AFAP1: variants seen among roughly 807,000 people sequenced by gnomAD.
AFAP1 encodes the protein actin filament-associated protein 1.
A neutral mutation model predicts 93.9 loss-of-function variants in AFAP1; 75 were observed. The observed-to-expected ratio is 0.80, with a 90% CI of 0.66 to 0.97. The LOEUF is 0.97. Ranked by LOEUF, AFAP1 falls within the 50% of genes least tolerant of loss-of-function variation. AFAP1 has a pLI of 0.00. For synonymous variants in AFAP1, 517 were observed against 430.7 expected (o/e 1.20, Z -2.48); for missense variants, 1,201 against 1,050.8 (o/e 1.14, Z -1.98).
chr4:7,824,785 G>A (rs560114873), intron 6 of AFAP1, among the ~76,000 whole-genome samples: 2 of 152,170 alleles, frequency 1.3e-5, no homozygotes, highest in African/African-American at 4.8e-5. Context: ...CGAGAAATTG[G>A]TTAATGGGCA....
chr4:7,776,930 T>C (rs531960176), intron 14 of AFAP1: 2 of 152,328 alleles, frequency 1.3e-5, no homozygotes, highest in East Asian at 3.9e-4. Context: ...TAATCTATAA[T>C]GCAACCGGCT....
chr4:7,823,952 C>A (rs1318735723), intron 6 of AFAP1, among the ~76,000 whole-genome samples: 1 of 152,204 alleles, frequency 6.6e-6, no homozygotes, highest in Non-Finnish European at 1.5e-5. Flanking sequence ...AAAGGCATTG[C>A]TAAAAACATG....
At chr4:7,817,527 G>A (rs1437657184) in intron 7 of AFAP1, among the ~76,000 whole-genome samples, 1 of 152,154 alleles carries the variant, frequency 6.6e-6, no homozygotes, top group Non-Finnish European at 1.5e-5. Context: ...GGAGGTGGAG[G>A]CTGCAGTGAG....
chr4:7,881,225 G>A (rs938076535), intron 1 of AFAP1, among the ~76,000 whole-genome samples: 3 of 151,910 alleles, frequency 2.0e-5, no homozygotes, highest in Non-Finnish European at 2.9e-5. Flanking sequence ...CCCCTGTCTA[G>A]TCTACACCAC....
At chr4:7,782,254 C>T (rs755531319) in intron 12 of AFAP1, among the ~76,000 whole-genome samples, 21 of 152,250 alleles carry the variant, frequency 1.4e-4, no homozygotes, top group Admixed American at 3.3e-4. Flanking sequence ...CTCATCCCCA[C>T]GCGGTGCTCC....
rs539753795 is a variant in AFAP1 at position 7,932,286 on chromosome 4, A to G, written c.-3+7370T>C. ...AAAACGAGGTCCTGCTTGGTTTTAA[A>G]CTACTTGGTGACCACCATCAGTTGT... On this transcript the variant is annotated intron_variant, in intron 1 of 17. Coordinates refer to ENST00000420658, the MANE Select transcript of AFAP1 (RefSeq NM_001134647.2). Among the ~76,000 whole-genome samples, 436 of 152,338 alleles carry G rather than the reference A, an allele frequency of 2.9e-3. 2 individuals carry two copies. Among genetic ancestry groups the G allele is most frequent in the Middle Eastern group, 6.8e-3 (2 of 294 alleles).
intron 11 of AFAP1, among the ~76,000 whole-genome samples, chr4:7,788,292 G>A (rs1477117688): frequency 6.6e-6 from 1 of 152,252 alleles, no homozygotes; most frequent in Non-Finnish European, 1.5e-5. Flanking sequence ...TGAAAACCGG[G>A]GAGAGAAACA....
At chr4:7,904,682 C>A (rs1011267785) in intron 1 of AFAP1, among the ~76,000 whole-genome samples, 1 of 147,976 alleles carries the variant, frequency 6.8e-6, no homozygotes, top group African/African-American at 2.5e-5. Context: ...ACTACTGCCA[C>A]TATTACAAAT....
intron 3 of AFAP1, chr4:7,861,889 C>G (rs183318750): frequency 2.0e-5 from 3 of 152,240 alleles, no homozygotes; most frequent in African/African-American, 7.2e-5. Flanking sequence ...AGCCCCAGCT[C>G]TACAACTGGT....
At chr4:7,775,132 C>A in intron 14 of AFAP1, 1 of 479,986 alleles carries the variant, frequency 2.1e-6, no homozygotes, top group Non-Finnish European at 3.6e-6. Context: ...CAGTGAGACC[C>A]CGTGTCAAAA....
rs115544900 is a variant in AFAP1, at chr4:7,786,298, G to T, written c.1426C>A (p.Arg476Ser). The T allele has an allele frequency of 3.5e-4, 566 of 1,613,548 alleles. No homozygotes were observed. Among genetic ancestry groups the T allele is most frequent in the South Asian group, 5.8e-4 (53 of 91,044 alleles). Reference sequence around the variant, plus strand: ...AGATATGGGTTAGCAGATATAACACGCCTGTTCATGAAACTGAAAGAAAGG... The same window carrying T: ...AGATATGGGTTAGCAGATATAACACTCCTGTTCATGAAACTGAAAGAAAGG... Reference protein sequence around the residue: ...AKQTFCFMNRRVISANPYLGG... With the variant: ...AKQTFCFMNRSVISANPYLGG... The change falls in exon 12 of 18, where the codon CGT (arginine) becomes AGT (serine). Residue 476 changes from arginine to serine, a missense_variant. By Grantham distance (110) the Arg-to-Ser change is moderately radical (BLOSUM62 -1). Coordinates refer to ENST00000420658, the MANE Select transcript of AFAP1 (RefSeq NM_001134647.2).
In AFAP1 at chr4:7,760,640, T is replaced by C. The variant is rs763640687; in HGVS notation, c.*3125A>G. 6.6e-6 allele frequency: 1 copy of C among 152,192 alleles called. No individual in the cohort carries two copies. Among genetic ancestry groups the C allele is most frequent in the African/African-American group, 2.4e-5 (1 of 41,474 alleles). 9.4% of individuals were successfully genotyped at this position (152,192 alleles called of 1,614,324 possible). ...CAAAGGGAGCCCTCGAATCTGATAG[T>C]TGTTTCTATGAAAAAGTTGGTCAGT... On this transcript the variant is annotated 3_prime_UTR_variant, in exon 18 of 18. Transcript: ENST00000420658.
intron 1 of AFAP1, among the ~76,000 whole-genome samples, chr4:7,912,352 C>A (rs1006806535): frequency 1.3e-5 from 2 of 152,222 alleles, no homozygotes; most frequent in African/African-American, 4.8e-5. Context: ...GGCAATTGCA[C>A]ATTTAGTTTT....
rs58075483 is a variant in AFAP1 at position 7,827,569 on chromosome 4, C to CAAAAAAAAAAAAAAAAAAAAAAA, written c.727-8399_727-8398insTTTTTTTTTTTTTTTTTTTTTTT. Among the ~76,000 whole-genome samples, 67 of 52,246 alleles carry CAAAAAAAAAAAAAAAAAAAAAAA rather than the reference C, an allele frequency of 1.3e-3. 9 individuals carry two copies. The highest frequency in any genetic ancestry group is 1.3e-3 in the Non-Finnish European group (37 of 29,148). 34.3% of individuals were successfully genotyped at this position (52,246 alleles called of 152,430 possible). A position where few individuals can be genotyped will look rare whatever the true frequency, so the allele number is the denominator to read the frequency against. On this transcript the variant is annotated intron_variant, in intron 6 of 17. Coordinates refer to ENST00000420658, the MANE Select transcript of AFAP1 (RefSeq NM_001134647.2). The stretch of plus-strand genomic sequence containing the variant: ...ATGAACAAGAGTGAAACTCTGTCTC[C>CAAAAAAAAAAAAAAAAAAAAAAA]AAAAAAAAAAAAAAAAAAAAAGGGA...
chr4:7,889,566 A>G (rs1424139990), intron 1 of AFAP1, among the ~76,000 whole-genome samples: 7 of 151,474 alleles, frequency 4.6e-5, no homozygotes, highest in East Asian at 1.9e-4. Context: ...AAAGAAAAAA[A>G]AAAAGGCATA....
intron 8 of AFAP1, among the ~76,000 whole-genome samples, chr4:7,812,986 T>C (rs1720181100): frequency 6.6e-6 from 1 of 152,144 alleles, no homozygotes; most frequent in Non-Finnish European, 1.5e-5. Context: ...TCCTCACACC[T>C]GCTGCAGGAT....
intron 1 of AFAP1, among the ~76,000 whole-genome samples, chr4:7,904,735 G>C (rs1719306269): frequency 6.6e-6 from 1 of 151,954 alleles, no homozygotes; most frequent in Non-Finnish European, 1.5e-5. Flanking sequence ...TTTAGGACGG[G>C]GTCTTGCTCT....
chr4:7,891,613 T>C (rs978314575), intron 1 of AFAP1, among the ~76,000 whole-genome samples: 12 of 152,128 alleles, frequency 7.9e-5, no homozygotes, highest in East Asian at 3.9e-4. Context: ...CTCTAATGAA[T>C]TGTATTCTCT....
chr4:7,891,480 A>C (rs140057689), intron 1 of AFAP1, among the ~76,000 whole-genome samples: 58 of 152,308 alleles, frequency 3.8e-4, no homozygotes, highest in Non-Finnish European at 2.4e-4. Flanking sequence ...GGTAAATAGA[A>C]CTTTAAGAGA....
Sources: allele counts gnomAD v4.1 joint callset (sites outside exome capture counted in the v4.1 genomes callset), GRCh38; gene constraint gnomAD v4.1.1; transcripts MANE v1.5; gene names NCBI Gene and HGNC (gene_info 2026-07-23, HGNC 2026-07-21).